Variants in COL12A1 observed in about 807,000 individuals in gnomAD.
COL12A1 encodes collagen type XII alpha 1 chain.
A neutral mutation model predicts 349.7 loss-of-function variants in COL12A1; 114 were observed. The ratio of observed to expected loss-of-function variants is 0.33; its 90% CI spans 0.28 to 0.38. The LOEUF (loss-of-function observed/expected upper bound fraction) is 0.38. COL12A1 is among the 10% of genes least tolerant of loss of function. The pLI is 1.00. For missense variants in COL12A1, 3,284 were observed against 3,756.9 expected (o/e 0.87, Z 3.29); for synonymous variants, 1,369 against 1,329.0 (o/e 1.03, Z -0.66).
chr6:75,101,414 CT>C (rs1768296405), intron 58 of COL12A1, among the ~76,000 whole-genome samples, 185 bp downstream of exon 58: 1 of 152,206 alleles, frequency 6.6e-6, no homozygotes, highest in Non-Finnish European at 1.5e-5. Context: ...AGTCCCACCA[CT>C]TTATTTCAAA....
At chr6:75,095,264 C>A in intron 59 of COL12A1, 85 bp from the exon 60 acceptor site, 1 of 988,510 alleles carries the variant, frequency 1.0e-6, no homozygotes, top group Non-Finnish European at 1.5e-6. Context: ...GTTTTAAACG[C>A]GTTTAAATGA....
In COL12A1 at chr6:75,183,944, A is replaced by G. The variant is rs1486897732; in HGVS notation, c.1198T>C (p.Tyr400His). ...SVRDLSADTE[Y>H]QISVSAMKGM... ...TTCATGGCGGAAACACTGATCTGGT[A>G]TTCTGTGTCTGCTGAGAGGTCGCGA... The change falls in exon 9 of 66, where the codon TAC becomes CAC. Residue 400 changes from tyrosine to histidine, a missense_variant. By Grantham distance (83) the Tyr-to-His change is moderately conservative. Around this residue, in one of 2 missense-constraint regions of COL12A1, gnomAD observed 2,601 missense variants for 2,824.8 expected, o/e 0.92. Coordinates refer to ENST00000322507, the MANE Select transcript of COL12A1 (RefSeq NM_004370.6). 6 of 1,614,152 alleles carry G rather than the reference A, an allele frequency of 3.7e-6. No individual in the cohort carries two copies. The highest frequency in any genetic ancestry group is 5.1e-6 in the Non-Finnish European group (6 of 1,180,012).
chr6:75,185,615 C>A, intron 8 of COL12A1, among the ~76,000 whole-genome samples: 1 of 152,126 alleles, frequency 6.6e-6, no homozygotes, highest in East Asian at 1.9e-4. Flanking sequence ...CTAGAAACAC[C>A]TATTTTAAAT....
At chr6:75,145,963 G>A in intron 24 of COL12A1, 139 bp downstream of exon 24, 1 of 953,676 alleles carries the variant, frequency 1.0e-6, no homozygotes, top group Non-Finnish European at 1.5e-6. Context: ...ATGTGTTGCA[G>A]ACCACAAACC....
chr6:75,123,878 A>G, intron 42 of COL12A1, 70 bp downstream of exon 42: 1 of 1,486,710 alleles, frequency 6.7e-7, no homozygotes, highest in Admixed American at 2.0e-5. Context: ...GGATTCACTT[A>G]AGTCTTCCTT....
At chr6:75,146,356 T>C in intron 23 of COL12A1, 112 bp from the exon 24 acceptor site, 2 of 1,162,740 alleles carry the variant, frequency 1.7e-6, no homozygotes, top group South Asian at 2.9e-5. Context: ...AGTGGGTTAC[T>C]GTGAGAAATC....
At chr6:75,164,893 G>A (rs1768208103) in intron 14 of COL12A1, among the ~76,000 whole-genome samples, 1 of 151,700 alleles carries the variant, frequency 6.6e-6, no homozygotes, top group South Asian at 2.1e-4. Context: ...AGAAAATTGA[G>A]TGGGCTTTTG....
chr6:75,101,260 GATTTTA>G (rs1415070105), intron 58 of COL12A1, among the ~76,000 whole-genome samples: 1 of 152,180 alleles, frequency 6.6e-6, no homozygotes, highest in Non-Finnish European at 1.5e-5. Flanking sequence ...TCACAACTAA[GATTTTA>G]ATTTTAAGAT....
chr6:75,151,733 C>A (rs1481255245), intron 20 of COL12A1, 134 bp downstream of exon 20: 2 of 1,052,462 alleles, frequency 1.9e-6, no homozygotes, highest in Non-Finnish European at 2.7e-6. Context: ...CTTCCTGGAA[C>A]ATTATTTTGA....
chr6:75,089,333 A>G (rs1767648968), intron 63 of COL12A1, among the ~76,000 whole-genome samples, 159 bp from the exon 64 acceptor site: 1 of 152,234 alleles, frequency 6.6e-6, no homozygotes, highest in African/African-American at 2.4e-5. Context: ...AGTTCTTTCT[A>G]GACATTTGTG....
At position 75,116,194 on chromosome 6, in the gene COL12A1, T is replaced by C. The variant is rs188744382; in HGVS notation, c.7520-137A>G. The C allele has an allele frequency of 1.4e-4, 115 of 811,166 alleles. 1 individual carries two copies. Among genetic ancestry groups the C allele is most frequent in the Middle Eastern group, 1.1e-3 (3 of 2,732 alleles). 50.2% of individuals were successfully genotyped at this position (811,166 alleles called of 1,614,324 possible). On this transcript the variant is annotated intron_variant, in intron 47 of 65. Coordinates refer to ENST00000322507, the MANE Select transcript of COL12A1 (RefSeq NM_004370.6). ...ATTAAAATAACTTCTCAATTTAATATTTTATACATTATTTCTTGTACATTT... is the reference window on the plus strand; with the variant it reads ...ATTAAAATAACTTCTCAATTTAATACTTTATACATTATTTCTTGTACATTT...
Position 75,183,382 on chromosome 6 carries a change from C to A in COL12A1, c.1559G>T (p.Gly520Val). The change falls in exon 10 of 66, where the codon GGC becomes GTC. Residue 520 changes from glycine to valine, a missense_variant. Gly to Val is a moderately radical substitution (Grantham distance 109). Around this residue, in one of 2 missense-constraint regions of COL12A1, gnomAD observed 2,601 missense variants for 2,824.8 expected, o/e 0.92. Coordinates refer to ENST00000322507, the MANE Select transcript of COL12A1 (RefSeq NM_004370.6). ...FPYRGGSTNT[G>V]KAMTYVREKI... is the part of the protein sequence containing the mutation. ...CTCTCTGACATAAGTCATTGCTTTG[C>A]CAGTATTTGTAGATCCTCCTCTGTA... is the stretch of plus-strand genomic sequence containing the variant. The A allele has an allele frequency of 6.2e-7, 1 of 1,614,198 alleles. No individual in the cohort carries two copies. The highest frequency in any genetic ancestry group is 8.5e-7 in the Non-Finnish European group (1 of 1,180,044).
intron 49 of COL12A1, among the ~76,000 whole-genome samples, chr6:75,114,668 TG>T (rs1418358912): frequency 6.6e-6 from 1 of 152,082 alleles, no homozygotes; most frequent in African/African-American, 2.4e-5. Context: ...AATGCCATCT[TG>T]CTTTTAAAAC....
chr6:75,164,501 A>G (rs1237798139), intron 14 of COL12A1, among the ~76,000 whole-genome samples: 6 of 152,178 alleles, frequency 3.9e-5, no homozygotes, highest in Non-Finnish European at 8.8e-5. Flanking sequence ...TTCTCCTACA[A>G]ATGCTTAGAA....
intron 44 of COL12A1, among the ~76,000 whole-genome samples, chr6:75,120,820 A>C (rs1390545759): frequency 6.6e-6 from 1 of 152,224 alleles, no homozygotes; most frequent in Admixed American, 6.5e-5. Flanking sequence ...TTTTAAAAAA[A>C]CAAATGAAAT....
At chr6:75,087,501 C>T in intron 65 of COL12A1, 76 bp downstream of exon 65, 1 of 1,463,358 alleles carries the variant, frequency 6.8e-7, no homozygotes, top group Non-Finnish European at 9.4e-7. Context: ...AGCCTTCCTT[C>T]AATCCTAAGG....
At chr6:75,190,617 G>A (rs571145470) in intron 5 of COL12A1, among the ~76,000 whole-genome samples, 1 of 152,010 alleles carries the variant, frequency 6.6e-6, no homozygotes, top group African/African-American at 2.4e-5. Context: ...TCTCTATGGT[G>A]GAGGTCAGGT....
rs1767416683 is a variant in COL12A1, at chr6:75,085,117, T to G, written c.*1430A>C. 5.4e-5 allele frequency: 22 copies of G among 406,222 alleles called. 1 individual carries two copies. Among genetic ancestry groups the G allele is most frequent in the South Asian group, 3.7e-4 (21 of 57,468 alleles). 25.2% of individuals were successfully genotyped at this position (406,222 alleles called of 1,614,324 possible). ...GAAACACCTCAGAAAAGACGTACAC[T>G]GCTCTATCTGACCTGTAAATGAGAA... On this transcript the variant is annotated 3_prime_UTR_variant, in exon 66 of 66. Coordinates refer to ENST00000322507, the MANE Select transcript of COL12A1 (RefSeq NM_004370.6).
chr6:75,119,274 G>C, intron 45 of COL12A1, 76 bp downstream of exon 45: 4 of 1,607,840 alleles, frequency 2.5e-6, no homozygotes, highest in Non-Finnish European at 3.4e-6. Flanking sequence ...TAAGAATCTG[G>C]ATATCAGCAT....
Sources: gnomAD v4.1 joint callset for allele counts (sites outside exome capture counted in the v4.1 genomes callset) on GRCh38, gnomAD v4.1.1 for gene constraint, gnomAD v4.1.1 regional missense constraint, MANE v1.5 for transcripts, NCBI Gene and HGNC (gene_info 2026-07-23, HGNC 2026-07-21) for gene names.